FMNL2: variants seen among roughly 807,000 people sequenced by gnomAD.
The protein encoded by FMNL2 is formin like 2.
In FMNL2, 51 loss-of-function variants were observed where a neutral mutation model predicts 130.2. That is an observed-to-expected ratio of 0.39 (90% confidence interval 0.31 to 0.49). FMNL2 has a LOEUF of 0.49. Among genes scored for constraint, FMNL2 ranks in the 20% least tolerant of loss-of-function variants. FMNL2 has a pLI of 0.85. For synonymous variants in FMNL2, 465 were observed against 467.1 expected (o/e 1.00, Z 0.06); for missense variants, 977 against 1,316.2 (o/e 0.74, Z 3.99).
intron 1 of FMNL2, among the ~76,000 whole-genome samples, chr2:152,517,176 C>T (rs565148785): frequency 1.8e-3 from 239 of 133,366 alleles, no homozygotes; most frequent in African/African-American, 6.3e-3. Context: ...TTTTTTCCCC[C>T]GTGAGTTTTT....
intron 25 of FMNL2, chr2:152,643,689 GCTCA>G: frequency 7.0e-7 from 1 of 1,432,454 alleles, no homozygotes; most frequent in South Asian, 1.5e-5. Flanking sequence ...AATTATTATT[GCTCA>G]CTCACTGGCC....
chr2:152,643,446 G>A (rs544379637), intron 25 of FMNL2: 3 of 1,536,018 alleles, frequency 2.0e-6, no homozygotes, highest in African/African-American at 1.4e-5. Context: ...TTTACTGCTC[G>A]CACCGCCAAG....
intron 1 of FMNL2, among the ~76,000 whole-genome samples, chr2:152,433,344 TG>T: frequency 6.6e-6 from 1 of 152,330 alleles, no homozygotes; most frequent in East Asian, 1.9e-4. Flanking sequence ...GATGTGCTCT[TG>T]TTTGTGGCAG....
At chr2:152,402,844 A>C (rs931158887) in intron 1 of FMNL2, among the ~76,000 whole-genome samples, 1 of 152,164 alleles carries the variant, frequency 6.6e-6, no homozygotes, top group Non-Finnish European at 1.5e-5. Flanking sequence ...TAATTAGCTA[A>C]AGTCTGTGCT....
intron 4 of FMNL2, among the ~76,000 whole-genome samples, chr2:152,551,768 T>A (rs762880573): frequency 6.6e-6 from 1 of 152,162 alleles, no homozygotes; most frequent in African/African-American, 2.4e-5. Context: ...GTATTCCCAG[T>A]ACTTTGGGAG....
intron 1 of FMNL2, among the ~76,000 whole-genome samples, chr2:152,472,428 A>G (rs776619782): frequency 2.0e-5 from 3 of 152,120 alleles, no homozygotes; most frequent in African/African-American, 7.2e-5. Context: ...AAAAGAACTC[A>G]TTTTATTTAC....
chr2:152,416,872 C>T (rs949026982), intron 1 of FMNL2, among the ~76,000 whole-genome samples: 1 of 152,182 alleles, frequency 6.6e-6, no homozygotes, highest in African/African-American at 2.4e-5. Flanking sequence ...AATTGTGTCT[C>T]AGGTAATTAA....
intron 15 of FMNL2, chr2:152,625,228 C>T: frequency 2.1e-6 from 1 of 475,722 alleles, no homozygotes; most frequent in East Asian, 3.0e-5. Context: ...TCTTTTAATA[C>T]AATGATGTGT....
chr2:152,563,800 G>A (rs1257220092), intron 6 of FMNL2, among the ~76,000 whole-genome samples: 1 of 151,874 alleles, frequency 6.6e-6, no homozygotes, highest in Non-Finnish European at 1.5e-5. Context: ...AATCTCTCAT[G>A]CCACCACCAG....
intron 1 of FMNL2, among the ~76,000 whole-genome samples, chr2:152,484,124 A>G (rs559236958): frequency 6.6e-6 from 1 of 152,278 alleles, no homozygotes; most frequent in East Asian, 1.9e-4. Flanking sequence ...CCCTTTGCAT[A>G]TCGTTTCTTT....
At chr2:152,339,737 T>C (rs1052030166) in intron 1 of FMNL2, among the ~76,000 whole-genome samples, 1 of 152,252 alleles carries the variant, frequency 6.6e-6, no homozygotes, top group African/African-American at 2.4e-5. Context: ...CTCATTTTTT[T>C]TCTGCATGTC....
chr2:152,509,045 T>G (rs1202857174), intron 1 of FMNL2, among the ~76,000 whole-genome samples: 2 of 152,234 alleles, frequency 1.3e-5, no homozygotes, highest in Non-Finnish European at 1.5e-5. Context: ...AGTGCACATG[T>G]CACCATGCTT....
rs1580075501 is a variant in FMNL2 at position 152,604,482 on chromosome 2, C to G, written c.877-2857C>G. On this transcript the variant is annotated intron_variant, in intron 9 of 25. Transcript: ENST00000288670. ...TTTAGCGTGTGCCTAGCCCCTCAAC[C>G]AAACATGAATCACGGTCTGCTTCTC... Among the ~76,000 whole-genome samples, 2 of 149,564 alleles carry G rather than the reference C, an allele frequency of 1.3e-5. 1 individual carries two copies. The highest frequency in any genetic ancestry group is 4.3e-4 in the East Asian group (2 of 4,684).
intron 1 of FMNL2, among the ~76,000 whole-genome samples, chr2:152,521,171 T>C (rs1248368240): frequency 6.6e-6 from 1 of 152,216 alleles, no homozygotes; most frequent in African/African-American, 2.4e-5. Context: ...CATCCAAACC[T>C]AGTATCTTAA....
chr2:152,360,444 C>T (rs1033859849), intron 1 of FMNL2, among the ~76,000 whole-genome samples: 2 of 152,082 alleles, frequency 1.3e-5, no homozygotes. Context: ...GGTCTTCCCA[C>T]CTCCGCCTCC....
At chr2:152,645,638 C>T (rs1683484773) in intron 25 of FMNL2, 2 of 532,814 alleles carry the variant, frequency 3.8e-6, no homozygotes, top group Admixed American at 3.5e-5. Context: ...AGTTTTTGTA[C>T]CTCACATTCC....
intron 1 of FMNL2, among the ~76,000 whole-genome samples, chr2:152,508,929 T>G (rs1173706453): frequency 2.0e-5 from 3 of 152,186 alleles, no homozygotes; most frequent in Non-Finnish European, 4.4e-5. Flanking sequence ...TAAAATGGAA[T>G]AGTGCACACT....
rs1261672417 is a variant in FMNL2, at chr2:152,648,017, G to T, written c.*112G>T. 1 of 934,270 alleles carries T rather than the reference G, an allele frequency of 1.1e-6. No individual in the cohort carries two copies. Among genetic ancestry groups the T allele is most frequent in the Admixed American group, 2.6e-5 (1 of 38,098 alleles). The allele number at this position is 934,270 out of a possible 1,614,324, so 57.9% of individuals were successfully genotyped here. ...TGAACACACACAAAAATATTCTTAA[G>T]GGCTCAGATTTAGCAAACACGGAAG... On this transcript the variant is annotated 3_prime_UTR_variant, in exon 26 of 26. Coordinates refer to ENST00000288670, the MANE Select transcript of FMNL2 (RefSeq NM_052905.4).
At chr2:152,619,867 A>C (rs1699158622) in intron 15 of FMNL2, 149 bp downstream of exon 15, 4 of 1,428,772 alleles carry the variant, frequency 2.8e-6, no homozygotes, top group East Asian at 2.5e-5. Context: ...TAGCCGATAG[A>C]GGGAACATCA....
Sources: gnomAD v4.1 joint callset for allele counts (sites outside exome capture counted in the v4.1 genomes callset) on GRCh38, gnomAD v4.1.1 for gene constraint, MANE v1.5 for transcripts, NCBI Gene and HGNC (gene_info 2026-07-23, HGNC 2026-07-21) for gene names.